Variants in RPH3A observed in about 807,000 individuals in gnomAD.
The protein encoded by RPH3A is rabphilin 3A, also known as rabphilin-3A.
In RPH3A, 48 loss-of-function variants were observed where a neutral mutation model predicts 102.2. That is an observed-to-expected ratio of 0.47 (90% CI 0.37 to 0.60). RPH3A has a LOEUF of 0.60. Ranked by LOEUF, RPH3A falls within the 20% of genes least tolerant of loss-of-function variation. The probability of loss-of-function intolerance (pLI) is 0.00; values close to 1 mark genes in which losing one functional copy is unlikely to be tolerated. For synonymous variants in RPH3A, 310 were observed against 324.3 expected (o/e 0.96, Z 0.47); for missense variants, 781 against 910.1 (o/e 0.86, Z 1.83).
Position 112,896,961 on chromosome 12 carries a change from TG to T in RPH3A, c.*182del. 1.6e-6 allele frequency: 1 copy of T among 607,658 alleles called. No individual in the cohort carries two copies. The highest frequency in any genetic ancestry group is 2.9e-6 in the Non-Finnish European group (1 of 348,672). The allele number at this position is 607,658 out of a possible 1,614,324, so 37.6% of individuals were successfully genotyped here. A position where few individuals can be genotyped will look rare whatever the true frequency, so the allele number is the denominator to read the frequency against. On this transcript the variant is annotated 3_prime_UTR_variant, in exon 22 of 22. Transcript: ENST00000389385. Reference sequence around the variant, plus strand: ...CTGCCAAAGACTCCCTCCTCCCTGATGCTGGGATGTGGGCTCTGAATACAGC... The same window carrying T: ...CTGCCAAAGACTCCCTCCTCCCTGATCTGGGATGTGGGCTCTGAATACAGC...
At chr12:112,795,107 G>A (rs188313657) in intron 2 of RPH3A, among the ~76,000 whole-genome samples, 89 of 152,276 alleles carry the variant, frequency 5.8e-4, no homozygotes, top group African/African-American at 2.0e-3. Flanking sequence ...CATTTGGTTG[G>A]GGTGGCTGCT....
At chr12:112,585,447 AG>A (rs1355409776) in intron 1 of RPH3A, among the ~76,000 whole-genome samples, 1 of 152,162 alleles carries the variant, frequency 6.6e-6, no homozygotes, top group Non-Finnish European at 1.5e-5. Context: ...TTTCTTGAAA[AG>A]GTTACGCTGG....
At chr12:112,742,231 T>C (rs902267477) in intron 1 of RPH3A, among the ~76,000 whole-genome samples, 1 of 152,190 alleles carries the variant, frequency 6.6e-6, no homozygotes, top group African/African-American at 2.4e-5. Context: ...GATAGATGTC[T>C]CTTCTTTGGG....
intron 1 of RPH3A, among the ~76,000 whole-genome samples, chr12:112,712,951 C>T (rs1170284920): frequency 9.0e-6 from 1 of 110,888 alleles, no homozygotes. Context: ...TCTTCTTCTT[C>T]TTCTTCTTCT....
chr12:112,603,812 C>T (rs143882646), intron 1 of RPH3A, among the ~76,000 whole-genome samples: 2 of 152,248 alleles, frequency 1.3e-5, no homozygotes, highest in African/African-American at 4.8e-5. Context: ...TTCGCCCTCA[C>T]TCAAGATGGA....
intron 1 of RPH3A, among the ~76,000 whole-genome samples, chr12:112,653,486 G>A (rs1378912558): frequency 6.6e-6 from 1 of 152,062 alleles, no homozygotes; most frequent in Non-Finnish European, 1.5e-5. Context: ...GTGAGTGAGT[G>A]GTGAGTGAAT....
intron 4 of RPH3A, chr12:112,837,689 A>G (rs2136171278): frequency 2.2e-6 from 1 of 453,310 alleles, no homozygotes; most frequent in Middle Eastern, 3.3e-4. Flanking sequence ...TTATTCAGAC[A>G]TGCTGGAGAG....
intron 1 of RPH3A, among the ~76,000 whole-genome samples, chr12:112,610,668 G>T (rs1305966595): frequency 1.3e-5 from 2 of 151,824 alleles, no homozygotes; most frequent in African/African-American, 2.4e-5. Context: ...GTGTCACTCT[G>T]TTGCCCAGGC....
chr12:112,883,642 G>T (rs2136250883), intron 16 of RPH3A, among the ~76,000 whole-genome samples: 1 of 151,990 alleles, frequency 6.6e-6, no homozygotes, highest in Non-Finnish European at 1.5e-5. Flanking sequence ...TTCAGGGGGT[G>T]TGTGTTGGGG....
chr12:112,702,752 G>A (rs1049460412), intron 1 of RPH3A, among the ~76,000 whole-genome samples: 6 of 152,250 alleles, frequency 3.9e-5, no homozygotes, highest in Admixed American at 2.0e-4. Context: ...TGCTGGTCAA[G>A]TGAGACACAT....
chr12:112,713,051 CCTTCTTCTTCTTCTTCTTCTTCTTCTT>C (rs397958107), intron 1 of RPH3A, among the ~76,000 whole-genome samples: 1 of 85,856 alleles, frequency 1.2e-5, no homozygotes, highest in Non-Finnish European at 2.1e-5. Context: ...TTCTTCTTCT[CCTTCTTCTTCTTCTTCTTCTTCTTCTT>C]CTTCTTCTTC....
At chr12:112,595,624 C>G (rs900308733) in intron 1 of RPH3A, among the ~76,000 whole-genome samples, 1 of 152,146 alleles carries the variant, frequency 6.6e-6, no homozygotes, top group Non-Finnish European at 1.5e-5. Context: ...ACCCCACCCC[C>G]CTAACCACAA....
intron 2 of RPH3A, among the ~76,000 whole-genome samples, chr12:112,796,469 T>A (rs2136095020): frequency 6.6e-6 from 1 of 152,220 alleles, no homozygotes; most frequent in Non-Finnish European, 1.5e-5. Context: ...ACTTACTGAG[T>A]GAATGAATGA....
intron 1 of RPH3A, among the ~76,000 whole-genome samples, chr12:112,594,825 G>A (rs923545227): frequency 1.3e-5 from 2 of 152,186 alleles, no homozygotes; most frequent in Admixed American, 6.5e-5. Flanking sequence ...TATGCATAAA[G>A]GTATTGATTA....
At chr12:112,875,623 C>A in intron 11 of RPH3A, 56 bp from the exon 12 acceptor site, 1 of 1,475,738 alleles carries the variant, frequency 6.8e-7, no homozygotes, top group African/African-American at 1.4e-5. Context: ...AAGGTGAACC[C>A]CCAAATGATG....
intron 5 of RPH3A, among the ~76,000 whole-genome samples, chr12:112,857,961 T>C (rs1047682101): frequency 6.6e-6 from 1 of 152,142 alleles, no homozygotes; most frequent in Non-Finnish European, 1.5e-5. Context: ...GCTCCATTCA[T>C]CTGTCCAAGT....
At chr12:112,725,576 G>A (rs371220495) in intron 1 of RPH3A, among the ~76,000 whole-genome samples, 1 of 152,108 alleles carries the variant, frequency 6.6e-6, no homozygotes, top group Non-Finnish European at 1.5e-5. Context: ...GGGTGCTTCA[G>A]GTGACATCTG....
intron 1 of RPH3A, among the ~76,000 whole-genome samples, chr12:112,607,568 G>C (rs1274325598): frequency 3.3e-5 from 5 of 152,212 alleles, no homozygotes; most frequent in East Asian, 1.9e-4. Context: ...ATAGCTAAAA[G>C]AAAGAGAAGT....
At chr12:112,700,079 T>C (rs1224408259) in intron 1 of RPH3A, among the ~76,000 whole-genome samples, 1 of 152,122 alleles carries the variant, frequency 6.6e-6, no homozygotes, top group African/African-American at 2.4e-5. Context: ...TTTTTTTTTT[T>C]TTCTTTTGAG....
Sources: gnomAD v4.1 joint callset for allele counts (sites outside exome capture counted in the v4.1 genomes callset) on GRCh38, gnomAD v4.1.1 for gene constraint, MANE v1.5 for transcripts, NCBI Gene and HGNC (gene_info 2026-07-23, HGNC 2026-07-21) for gene names.